Variants in ATP8A2 observed in about 807,000 individuals in gnomAD.
ATP8A2 encodes the protein ATPase phospholipid transporting 8A2.
ATP8A2 carries 100 observed loss-of-function variants against 165.6 expected under a neutral mutation model. The observed-to-expected ratio is 0.60, with a 90% CI of 0.51 to 0.71. The LOEUF is 0.71. Among genes scored for constraint, ATP8A2 ranks in the 30% least tolerant of loss-of-function variants. The probability of loss-of-function intolerance (pLI) is 0.00; values close to 1 mark genes in which losing one functional copy is unlikely to be tolerated. For missense variants in ATP8A2, 1,227 were observed against 1,479.5 expected (o/e 0.83, Z 2.80); for synonymous variants, 543 against 548.8 (o/e 0.99, Z 0.15).
At chr13:25,992,369 T>C (rs938288621) in intron 35 of ATP8A2, among the ~76,000 whole-genome samples, 1 of 152,136 alleles carries the variant, frequency 6.6e-6, no homozygotes, top group African/African-American at 2.4e-5. Context: ...GTGAAACGTC[T>C]TTTCATGGCC....
chr13:25,827,795 G>A (rs1393226662), intron 27 of ATP8A2, among the ~76,000 whole-genome samples: 5 of 152,206 alleles, frequency 3.3e-5, no homozygotes, highest in Admixed American at 1.3e-4. Flanking sequence ...AAACAAGAGT[G>A]TGAAGCTGAG....
rs117722045 is a variant in ATP8A2, at chr13:25,793,696, G to T, written c.2679+18737G>T. On this transcript the variant is annotated intron_variant, in intron 27 of 36. Coordinates refer to ENST00000381655, the MANE Select transcript of ATP8A2 (RefSeq NM_016529.6). ...ATCTTTACTGGAAAAAACTGTTGTT[G>T]GTAATAGCAAAGACATTTTGTGTTA... is the stretch of plus-strand genomic sequence containing the variant. Among the ~76,000 whole-genome samples the T allele has an allele frequency of 4.4e-3, 675 of 151,978 alleles. 1 individual carries two copies. The highest frequency in any genetic ancestry group is 8.1e-3 in the Non-Finnish European group (553 of 67,980).
rs116200100 is a variant in ATP8A2 at position 26,016,328 on chromosome 13, G to A, written c.3470-3560G>A. On this transcript the variant is annotated intron_variant, in intron 36 of 36. Coordinates refer to ENST00000381655, the MANE Select transcript of ATP8A2 (RefSeq NM_016529.6). ...TACCCTGGGAGGTTTACAACAGGAG[G>A]GGCAACTCTTCTCTGCCTGTCTCTT... Among the ~76,000 whole-genome samples, 1,022 of 152,260 alleles carry A rather than the reference G, an allele frequency of 6.7e-3. 6 individuals are homozygous for A. Among genetic ancestry groups the A allele is most frequent in the Middle Eastern group, 0.027 (8 of 294 alleles).
chr13:25,822,410 C>A (rs1260080030), intron 27 of ATP8A2, among the ~76,000 whole-genome samples: 1 of 152,212 alleles, frequency 6.6e-6, no homozygotes. Context: ...ACAATGCTAT[C>A]TCACCAGCTG....
intron 2 of ATP8A2, among the ~76,000 whole-genome samples, chr13:25,479,192 T>C (rs2036084869): frequency 1.3e-5 from 2 of 152,202 alleles, no homozygotes; most frequent in Admixed American, 1.3e-4. Flanking sequence ...TTTAAAACAT[T>C]GGTATACATG....
intron 25 of ATP8A2, among the ~76,000 whole-genome samples, chr13:25,758,512 G>A (rs539293287): frequency 6.6e-6 from 1 of 152,164 alleles, no homozygotes; most frequent in African/African-American, 2.4e-5. Flanking sequence ...AAAGCAAGTT[G>A]CAAAATAACC....
At chr13:25,633,340 A>G (rs924821196) in intron 24 of ATP8A2, among the ~76,000 whole-genome samples, 7 of 152,130 alleles carry the variant, frequency 4.6e-5, no homozygotes, top group Non-Finnish European at 1.0e-4. Context: ...GAGTCATTGT[A>G]TAGTATGATT....
chr13:25,746,226 CA>C (rs2044028763), intron 25 of ATP8A2, among the ~76,000 whole-genome samples: 1 of 152,182 alleles, frequency 6.6e-6, no homozygotes, highest in Admixed American at 6.5e-5. Context: ...CTCCCACCCC[CA>C]AAAAACTCCC....
chr13:25,669,081 A>T (rs1278118433), intron 24 of ATP8A2, among the ~76,000 whole-genome samples: 1 of 151,852 alleles, frequency 6.6e-6, no homozygotes, highest in Admixed American at 6.6e-5. Flanking sequence ...TATGAATGGG[A>T]CATACTTTTT....
At chr13:25,845,255 A>G (rs962671913) in intron 30 of ATP8A2, among the ~76,000 whole-genome samples, 2 of 152,188 alleles carry the variant, frequency 1.3e-5, no homozygotes, top group Non-Finnish European at 2.9e-5. Context: ...GTGTCAGCCC[A>G]CACCCGGGTT....
intron 1 of ATP8A2, among the ~76,000 whole-genome samples, chr13:25,451,172 C>A (rs2035214331): frequency 6.6e-6 from 1 of 152,114 alleles, no homozygotes; most frequent in Non-Finnish European, 1.5e-5. Context: ...TGGAGAGTTT[C>A]TATTGCTGTC....
At chr13:25,707,323 T>C (rs1348158819) in intron 25 of ATP8A2, among the ~76,000 whole-genome samples, 1 of 152,168 alleles carries the variant, frequency 6.6e-6, no homozygotes, top group Admixed American at 6.5e-5. Flanking sequence ...CAGCAAATAA[T>C]TTATATGAAT....
rs549313500 is a variant in ATP8A2, at chr13:25,651,977, T to C, written c.2212-47196T>C. Among the ~76,000 whole-genome samples the C allele has an allele frequency of 4.6e-5, 7 of 152,330 alleles. No homozygotes were observed. The South Asian group carries it at 1.5e-3, about 32-fold the overall frequency. ...AAATTTTTTTAACATTAGTTTTATT[T>C]GTATCTCTAACTGTAATCAAACTAT... is the stretch of plus-strand genomic sequence containing the variant. On this transcript the variant is annotated intron_variant, in intron 24 of 36. Transcript: ENST00000381655.
intron 25 of ATP8A2, 54 bp downstream of exon 25, chr13:25,699,399 G>A (rs2042905067): frequency 8.8e-6 from 12 of 1,368,856 alleles, no homozygotes; most frequent in Non-Finnish European, 1.2e-5. Context: ...TGTATCCCGT[G>A]CTTATACAAA....
chr13:25,688,875 A>G (rs9578901), intron 24 of ATP8A2, among the ~76,000 whole-genome samples: 18,348 of 149,294 alleles, frequency 0.12, 1,228 homozygotes, highest in East Asian at 0.27. Context: ...TTTTCGTCCT[A>G]TGGCTATGAT....
intron 25 of ATP8A2, among the ~76,000 whole-genome samples, chr13:25,716,944 G>GT (rs1180680502): frequency 6.6e-6 from 1 of 152,206 alleles, no homozygotes; most frequent in Non-Finnish European, 1.5e-5. Flanking sequence ...TGCTTATTTA[G>GT]TTTTTTCCTT....
intron 8 of ATP8A2, 75 bp from the exon 9 acceptor site, chr13:25,541,844 A>G (rs748558813): frequency 1.1e-5 from 17 of 1,526,090 alleles, no homozygotes; most frequent in Non-Finnish European, 1.3e-5. Flanking sequence ...CTTTTGATTA[A>G]CCATAGGGAT....
chr13:25,628,852 A>G, intron 24 of ATP8A2, among the ~76,000 whole-genome samples: 1 of 152,192 alleles, frequency 6.6e-6, no homozygotes, highest in Admixed American at 6.6e-5. Flanking sequence ...TCACAGGCTG[A>G]GAGTACTGGG....
At chr13:25,989,261 GGA>G (rs1471521995) in intron 35 of ATP8A2, among the ~76,000 whole-genome samples, 1 of 152,208 alleles carries the variant, frequency 6.6e-6, no homozygotes, top group Non-Finnish European at 1.5e-5. Context: ...TAGGGAAAGA[GGA>G]GAGACGAGTA....
Sources: gnomAD v4.1 joint callset for allele counts (sites outside exome capture counted in the v4.1 genomes callset) on GRCh38, gnomAD v4.1.1 for gene constraint, MANE v1.5 for transcripts, NCBI Gene and HGNC (gene_info 2026-07-23, HGNC 2026-07-21) for gene names.